RYR1: variants seen among roughly 807,000 people sequenced by gnomAD.
RYR1 encodes ryanodine receptor 1, also known as central core disease of muscle.
In RYR1, 342 loss-of-function variants were observed where a neutral mutation model predicts 583.5. That is an observed-to-expected ratio of 0.59 (90% confidence interval 0.54 to 0.64). The LOEUF is 0.64. Ranked by LOEUF, RYR1 falls within the 30% of genes least tolerant of loss-of-function variation. The pLI is 0.00. For missense variants in RYR1, 6,032 were observed against 6,917.2 expected, an observed-to-expected ratio of 0.87 and a Z score of 4.54; for synonymous variants, 2,791 against 2,822.5, an observed-to-expected ratio of 0.99 and a Z score of 0.35.
At chr19:38,506,787 G>C in intron 56 of RYR1, 42 bp from the exon 57 acceptor site, 1 of 1,613,778 alleles carries the variant, frequency 6.2e-7, no homozygotes, top group Non-Finnish European at 8.5e-7. Context: ...GAGTGGCCCG[G>C]GTCTTCCCCA....
chr19:38,578,882 C>T (rs1974074536), intron 99 of RYR1, among the ~76,000 whole-genome samples: 1 of 151,878 alleles, frequency 6.6e-6, no homozygotes, highest in South Asian at 2.1e-4. Flanking sequence ...GAGGCGGAGG[C>T]AGAGGTTTGC....
rs1364757414 is a variant in RYR1 at position 38,457,557 on chromosome 19, G to T, written c.1852G>T (p.Asp618Tyr). 6.2e-7 allele frequency: 1 copy of T among 1,613,998 alleles called. No individual in the cohort carries two copies. The highest frequency in any genetic ancestry group is 1.3e-5 in the African/African-American group (1 of 74,890). Residue 618 changes from aspartate (D) to tyrosine (Y), a missense_variant, in exon 17 of 106, where the codon GAT (aspartate) becomes TAT (tyrosine). Asp to Tyr is a radical substitution (Grantham distance 160). This residue lies in a region of RYR1 where 2,627 missense variants were observed against 2,961.3 expected (regional missense o/e 0.89). Transcript: ENST00000359596. ...CNGVAVRSNQ[D>Y]LITENLLPGR... The stretch of plus-strand genomic sequence containing the variant: ...TGGTGTGGCTGTACGCTCCAACCAA[G>T]ATCTTATTACTGAGAACTTGCTGCC...
intron 105 of RYR1, 107 bp from the exon 106 acceptor site, chr19:38,587,218 A>C: frequency 3.9e-6 from 3 of 773,354 alleles, no homozygotes; most frequent in East Asian, 2.7e-5. Context: ...TCGCCACTGC[A>C]CTCCAGCCTG....
chr19:38,434,438 T>C (rs1473175922), intron 1 of RYR1, among the ~76,000 whole-genome samples: 3 of 152,052 alleles, frequency 2.0e-5, no homozygotes, highest in Non-Finnish European at 4.4e-5. Context: ...TGGCTGCTAA[T>C]GGTCTTGCAG....
chr19:38,516,111 C>G lies in RYR1; in HGVS notation c.9579C>G (p.Cys3193Trp), dbSNP rs587784379. 12 of 1,549,462 alleles carry G rather than the reference C, an allele frequency of 7.7e-6. No homozygotes were observed. Among genetic ancestry groups the G allele is most frequent in the Non-Finnish European group, 1.0e-5 (12 of 1,147,008 alleles). The change falls in exon 65 of 106, where the codon TGC becomes TGG. Residue 3193 changes from cysteine (C) to tryptophan (W), a missense_variant. Coordinates refer to ENST00000359596, the MANE Select transcript of RYR1 (RefSeq NM_000540.3). ...VEKLRPALGE[C>W]LARLAAAMPV... Reference sequence around the variant, plus strand: ...GGCTTCGGCCAGCCCTCGGGGAGTGCCTGGCCCGTCTGGCAGCAGCCATGC... The same window carrying G: ...GGCTTCGGCCAGCCCTCGGGGAGTGGCTGGCCCGTCTGGCAGCAGCCATGC...
At position 38,561,531 on chromosome 19, in the gene RYR1, A is replaced by C; in HGVS notation, c.12624+77A>C. ...GGGTGCTCACTTCCTGCACCCTCAG[A>C]CCCCACGGGGGCTGTGCGTGCCTCG... On this transcript the variant is annotated intron_variant, in intron 90 of 105. Coordinates refer to ENST00000359596, the MANE Select transcript of RYR1 (RefSeq NM_000540.3). This position sits in a 1 kb window ranked among gnomAD's most constrained non-coding sequence, Gnocchi z 4.8. 7.2e-7 allele frequency: 1 copy of C among 1,385,856 alleles called. No individual in the cohort carries two copies. Among genetic ancestry groups the C allele is most frequent in the Non-Finnish European group, 9.9e-7 (1 of 1,009,792 alleles). 85.8% of individuals were successfully genotyped at this position (1,385,856 alleles called of 1,614,324 possible).
chr19:38,486,279 C>A, intron 34 of RYR1, 77 bp downstream of exon 34: 1 of 1,555,100 alleles, frequency 6.4e-7, no homozygotes, highest in Non-Finnish European at 8.9e-7. Context: ...ATGCATCAAT[C>A]CTCCTCTATT....
In RYR1 at chr19:38,536,771, A is replaced by G. The variant is rs1342936053; in HGVS notation, c.11608+4A>G. On this transcript the variant is annotated splice_donor_region_variant and intron_variant, in intron 83 of 105. Coordinates refer to ENST00000359596, the MANE Select transcript of RYR1 (RefSeq NM_000540.3). ...CCAGTCATCAATCGCCAGAACGGTA[A>G]TTCCCCCAGCCCACCCCCGTGCTGT... 1 of 1,613,140 alleles carries G rather than the reference A, an allele frequency of 6.2e-7. No homozygotes were observed. The highest frequency in any genetic ancestry group is 1.3e-5 in the African/African-American group (1 of 74,658).
intron 72 of RYR1, 37 bp from the exon 73 acceptor site, chr19:38,527,610 G>A: frequency 1.2e-6 from 2 of 1,612,826 alleles, no homozygotes; most frequent in Non-Finnish European, 1.7e-6. Flanking sequence ...TGTGGGAAGG[G>A]TCCCTCACGC....
chr19:38,568,014 T>C (rs1973526644), intron 93 of RYR1, 97 bp downstream of exon 93: 2 of 1,405,754 alleles, frequency 1.4e-6, no homozygotes, highest in Non-Finnish European at 2.0e-6. Flanking sequence ...AGTTCATCTG[T>C]TCAAGCTCGT....
At chr19:38,516,343 T>C in intron 65 of RYR1, 126 bp downstream of exon 65, 2 of 1,155,102 alleles carry the variant, frequency 1.7e-6, no homozygotes, top group Non-Finnish European at 2.5e-6. Flanking sequence ...TTCCCCAGGT[T>C]GGGAGTGCCA....
Position 38,510,808 on chromosome 19 carries a change from GC to G in RYR1, c.9122+32del, listed in dbSNP as rs752481656. 14 of 1,613,720 alleles carry G rather than the reference GC, an allele frequency of 8.7e-6. No individual in the cohort carries two copies. The Admixed American group carries it at 1.8e-4, about 21-fold the overall frequency. ...TGGGCCGCCTGTGACCCTGGACCCA[GC>G]CCCCTGACCTCACAGGATTGTAATC... On this transcript the variant is annotated intron_variant, in intron 60 of 105. Coordinates refer to ENST00000359596, the MANE Select transcript of RYR1 (RefSeq NM_000540.3).
intron 104 of RYR1, 39 bp from the exon 105 acceptor site, chr19:38,586,486 G>A: frequency 6.3e-7 from 1 of 1,581,790 alleles, no homozygotes; most frequent in East Asian, 2.2e-5. Flanking sequence ...TAAGGTAAGG[G>A]TGGTTCTGAC....
intron 20 of RYR1, among the ~76,000 whole-genome samples, chr19:38,462,674 C>T (rs904085540): frequency 9.2e-5 from 14 of 152,286 alleles, no homozygotes; most frequent in Middle Eastern, 3.4e-3. Flanking sequence ...TATTAGGTAT[C>T]GCTATGATCC....
rs545306597 is a variant in RYR1, at chr19:38,544,582, G to A, written c.12012+707G>A. ...CAGATGGCAGTAAAGCATCCAGCATGTTATAACTTCCCTACAGGAAGTGTT... is the reference window on the plus strand; with the variant it reads ...CAGATGGCAGTAAAGCATCCAGCATATTATAACTTCCCTACAGGAAGTGTT... On this transcript the variant is annotated intron_variant, in intron 87 of 105. Transcript: ENST00000359596. 1.9e-3 allele frequency among the ~76,000 whole-genome samples: 286 copies of A among 152,308 alleles called. 1 individual carries two copies. Among genetic ancestry groups the A allele is most frequent in the African/African-American group, 6.7e-3 (278 of 41,560 alleles).
At chr19:38,531,532 G>T (rs2145733247) in intron 76 of RYR1, among the ~76,000 whole-genome samples, 1 of 152,036 alleles carries the variant, frequency 6.6e-6, no homozygotes, top group South Asian at 2.1e-4. Context: ...ACTTGTTATT[G>T]AGCTGACAGG....
intron 17 of RYR1, 109 bp from the exon 18 acceptor site, chr19:38,457,942 C>T (rs1967503706): frequency 8.7e-7 from 1 of 1,143,526 alleles, no homozygotes; most frequent in South Asian, 1.2e-5. Context: ...GTCTCTCTCC[C>T]ATCTCTCTCT....
Position 38,433,796 on chromosome 19 carries a change from C to T in RYR1, c.-34C>T, listed in dbSNP as rs1568425956. On this transcript the variant is annotated 5_prime_UTR_variant, in exon 1 of 106. Coordinates refer to ENST00000359596, the MANE Select transcript of RYR1 (RefSeq NM_000540.3). ...CCCGCAGCCCCCTCCCTCTGTTCCCCGACCTCAGACCCTGGGCTTCCGACC... is the reference window on the plus strand; with the variant it reads ...CCCGCAGCCCCCTCCCTCTGTTCCCTGACCTCAGACCCTGGGCTTCCGACC... The T allele has an allele frequency of 1.3e-6, 2 of 1,572,678 alleles. No individual in the cohort carries two copies. The highest frequency in any genetic ancestry group is 2.2e-5 in the South Asian group (2 of 90,214).
chr19:38,582,795 C>A (rs1046464089), intron 101 of RYR1, among the ~76,000 whole-genome samples: 1 of 152,148 alleles, frequency 6.6e-6, no homozygotes, highest in Non-Finnish European at 1.5e-5. Context: ...TTAAAAGAAT[C>A]ATTTCTGGGG....
Sources: allele counts gnomAD v4.1 joint callset (sites outside exome capture counted in the v4.1 genomes callset), GRCh38; gene constraint gnomAD v4.1.1; regional missense constraint gnomAD v4.1.1; non-coding constraint Gnocchi (gnomAD v3.1); transcripts MANE v1.5; gene names NCBI Gene and HGNC (gene_info 2026-07-23, HGNC 2026-07-21).